The following RAB31 variants were observed in gnomAD, a reference collection of about 807,000 sequenced individuals.
RAB31 encodes the protein RAB31, member RAS oncogene family.
Under a neutral mutation model 25.6 loss-of-function variants are expected in RAB31, and 21 were observed. That is an observed-to-expected ratio of 0.82 (90% CI 0.58 to 1.18). The LOEUF (loss-of-function observed/expected upper bound fraction) is 1.18. Among genes scored for constraint, RAB31 ranks in the 50% most tolerant of loss-of-function variants. The probability of loss-of-function intolerance (pLI) is 0.00; values close to 1 mark genes in which losing one functional copy is unlikely to be tolerated. For missense variants in RAB31, 196 were observed against 250.1 expected, an observed-to-expected ratio of 0.78 and a Z score of 1.46; for synonymous variants, 87 against 84.0, an observed-to-expected ratio of 1.04 and a Z score of -0.20.
chr18:9,748,663 C>T lies in RAB31; in HGVS notation c.40-26615C>T, dbSNP rs562949062. Reference sequence around the variant, plus strand: ...ATCCCAGCACTTTGGGAAGTCGAGGCGGGCGGATCACGAGCTCAGGAGTTC... The same window carrying T: ...ATCCCAGCACTTTGGGAAGTCGAGGTGGGCGGATCACGAGCTCAGGAGTTC... On this transcript the variant is annotated intron_variant, in intron 1 of 6. Coordinates refer to ENST00000578921, the MANE Select transcript of RAB31 (RefSeq NM_006868.4). Among the ~76,000 whole-genome samples the T allele has an allele frequency of 3.7e-4, 56 of 152,046 alleles. 1 individual carries two copies. The highest frequency in any genetic ancestry group is 1.0e-3 in the South Asian group (5 of 4,820).
At chr18:9,719,257 A>AAAAACAGAC (rs1320847058) in intron 1 of RAB31, among the ~76,000 whole-genome samples, 1 of 119,102 alleles carries the variant, frequency 8.4e-6, no homozygotes, top group African/African-American at 3.1e-5. Context: ...GTGACAGAGC[A>AAAAACAGAC]AGACTCTGTC....
At chr18:9,824,933 G>C (rs2068642645) in intron 5 of RAB31, among the ~76,000 whole-genome samples, 1 of 152,232 alleles carries the variant, frequency 6.6e-6, no homozygotes, top group Non-Finnish European at 1.5e-5. Flanking sequence ...GACTTGCACA[G>C]AGTAGGTGCT....
chr18:9,714,528 C>T (rs977394277), intron 1 of RAB31, among the ~76,000 whole-genome samples: 3 of 152,190 alleles, frequency 2.0e-5, no homozygotes, highest in Non-Finnish European at 4.4e-5. Context: ...GACCTCTGTG[C>T]TAGAACGCAA....
chr18:9,852,518 A>AT (rs1276374231), intron 6 of RAB31, among the ~76,000 whole-genome samples: 1 of 151,106 alleles, frequency 6.6e-6, no homozygotes, highest in Non-Finnish European at 1.5e-5. Context: ...TTTTCCCCTT[A>AT]TGCAATTTGT....
chr18:9,817,373 A>T (rs77221402), intron 5 of RAB31, among the ~76,000 whole-genome samples: 6,147 of 152,256 alleles, frequency 0.04, 188 homozygotes, highest in African/African-American at 0.089. Flanking sequence ...ACTGAAATTC[A>T]GGAGAAAGGG....
At chr18:9,736,707 G>A (rs1432443019) in intron 1 of RAB31, among the ~76,000 whole-genome samples, 1 of 152,166 alleles carries the variant, frequency 6.6e-6, no homozygotes, top group African/African-American at 2.4e-5. Flanking sequence ...TTTGCCGAAA[G>A]CAAGAGAAGT....
intron 2 of RAB31, among the ~76,000 whole-genome samples, chr18:9,790,416 T>G (rs74387359): frequency 6.6e-6 from 1 of 151,908 alleles, no homozygotes; most frequent in Non-Finnish European, 1.5e-5. Flanking sequence ...TTTTTTTTTT[T>G]GTAAAGAAGG....
intron 5 of RAB31, among the ~76,000 whole-genome samples, chr18:9,828,866 G>GT (rs1353148959): frequency 6.6e-6 from 1 of 152,128 alleles, no homozygotes; most frequent in Admixed American, 6.5e-5. Flanking sequence ...TGCACGATGC[G>GT]TTTTCCTTAT....
intron 2 of RAB31, among the ~76,000 whole-genome samples, chr18:9,781,788 C>G (rs1240775517): frequency 6.6e-6 from 1 of 152,218 alleles, no homozygotes; most frequent in East Asian, 1.9e-4. Context: ...AAAAATAAAG[C>G]TAGTGGGAAC....
At chr18:9,756,286 A>T (rs977112351) in intron 1 of RAB31, among the ~76,000 whole-genome samples, 6 of 152,208 alleles carry the variant, frequency 3.9e-5, no homozygotes, top group African/African-American at 1.4e-4. Flanking sequence ...TGAGTCAAAA[A>T]CCATTATTAT....
At chr18:9,801,728 A>G (rs921039089) in intron 3 of RAB31, among the ~76,000 whole-genome samples, 7 of 152,232 alleles carry the variant, frequency 4.6e-5, no homozygotes, top group African/African-American at 1.7e-4. Flanking sequence ...TAGTTTCTCC[A>G]TATACTCACC....
chr18:9,847,520 T>C (rs576584798), intron 6 of RAB31, among the ~76,000 whole-genome samples: 1 of 152,304 alleles, frequency 6.6e-6, no homozygotes, highest in African/African-American at 2.4e-5. Flanking sequence ...AATTTAAAAA[T>C]ATCAAATAAG....
chr18:9,840,619 A>G (rs896245584), intron 5 of RAB31, among the ~76,000 whole-genome samples: 1 of 152,222 alleles, frequency 6.6e-6, no homozygotes, highest in Middle Eastern at 3.2e-3. Flanking sequence ...ACAGCAATTT[A>G]TCTGACACTA....
At chr18:9,788,006 G>A (rs1019336460) in intron 2 of RAB31, among the ~76,000 whole-genome samples, 2 of 152,228 alleles carry the variant, frequency 1.3e-5, no homozygotes, top group African/African-American at 4.8e-5. Flanking sequence ...TAAAACTCAT[G>A]ACATGATATC....
At chr18:9,725,842 G>A (rs1162621305) in intron 1 of RAB31, among the ~76,000 whole-genome samples, 1 of 152,204 alleles carries the variant, frequency 6.6e-6, no homozygotes, top group Non-Finnish European at 1.5e-5. Flanking sequence ...GCAAAGTCCA[G>A]TATCAGAGAT....
intron 4 of RAB31, among the ~76,000 whole-genome samples, chr18:9,814,354 A>C (rs2068590418): frequency 6.6e-6 from 1 of 152,218 alleles, no homozygotes; most frequent in Admixed American, 6.5e-5. Context: ...AAGAAAAGGA[A>C]AATCATTTTT....
intron 6 of RAB31, among the ~76,000 whole-genome samples, chr18:9,851,893 T>TATATTTCATAATATATTTCAATATC (rs1431310436): frequency 1.3e-5 from 2 of 150,386 alleles, no homozygotes; most frequent in East Asian, 1.9e-4. Flanking sequence ...TCATATTTCA[T>TATATTTCATAATATATTTCAATATC]ATATTTCATA....
rs376198611 is a variant in RAB31, at chr18:9,709,020, A to C, written c.39+576A>C. Among the ~76,000 whole-genome samples the C allele has an allele frequency of 3.6e-4, 55 of 152,330 alleles. 1 individual carries two copies. Among genetic ancestry groups the C allele is most frequent in the African/African-American group, 1.3e-3 (52 of 41,586 alleles). ...AACCCAGCCAAGGGGGTGAAAGCCG[A>C]GGGCGCGGCCGGGGTGGAAGGTGAG... On this transcript the variant is annotated intron_variant, in intron 1 of 6. Coordinates refer to ENST00000578921, the MANE Select transcript of RAB31 (RefSeq NM_006868.4).
At position 9,862,144 on chromosome 18, in the gene RAB31, T is replaced by C. The variant is rs7265; in HGVS notation, c.*2819T>C. 0.65 allele frequency: 98,386 copies of C among 152,318 alleles called. 32,070 individuals are homozygous for C. The highest frequency in any genetic ancestry group is 0.78 in the East Asian group (4,054 of 5,176). 9.4% of individuals were successfully genotyped at this position (152,318 alleles called of 1,614,324 possible). On this transcript the variant is annotated 3_prime_UTR_variant, in exon 7 of 7. Coordinates refer to ENST00000578921, the MANE Select transcript of RAB31 (RefSeq NM_006868.4). ...CTCTACAGTCAAGGACTTTGGCATG[T>C]GGTGGCTGAAACTGAGCTTTTTTGT...
Sources: allele counts gnomAD v4.1 joint callset (sites outside exome capture counted in the v4.1 genomes callset), GRCh38; gene constraint gnomAD v4.1.1; transcripts MANE v1.5; gene names NCBI Gene and HGNC (gene_info 2026-07-23, HGNC 2026-07-21).